DNAJB6: variants seen among roughly 807,000 people sequenced by gnomAD.
DNAJB6 encodes the protein dnaJ homolog subfamily B member 6.
In DNAJB6, 16 loss-of-function variants were observed where a neutral mutation model predicts 42.7. That is an observed-to-expected ratio of 0.37 (90% CI 0.25 to 0.57). The LOEUF is 0.57. DNAJB6 is among the 20% of genes least tolerant of loss of function. The pLI is 0.74. For synonymous variants in DNAJB6, 170 were observed against 163.5 expected, an observed-to-expected ratio of 1.04 and a Z score of -0.30; for missense variants, 347 against 416.8, an observed-to-expected ratio of 0.83 and a Z score of 1.46.
In DNAJB6 at chr7:157,366,446, T is replaced by G. The variant is rs1013007003; in HGVS notation, c.176-56T>G. 4.1e-6 allele frequency: 6 copies of G among 1,478,022 alleles called. No individual in the cohort carries two copies. In the South Asian group the frequency reaches 5.7e-5, roughly 14 times the overall value. The allele number at this position is 1,478,022 out of a possible 1,614,324, so 91.6% of individuals were successfully genotyped here. On this transcript the variant is annotated intron_variant, in intron 3 of 9. Coordinates refer to ENST00000262177, the MANE Select transcript of DNAJB6 (RefSeq NM_058246.4). ...TACAACTGGGGAAATACCTTATCTA[T>G]TGAATTAAGGGTTTAAAAGGAACTT...
chr7:157,354,115 A>G (rs534287455), intron 1 of DNAJB6, among the ~76,000 whole-genome samples: 1 of 152,288 alleles, frequency 6.6e-6, no homozygotes, highest in East Asian at 1.9e-4. Context: ...ATCTGTTGTG[A>G]TAATAATCTA....
rs944323766 is a variant in DNAJB6 at position 157,341,861 on chromosome 7, A to G, written c.-27+4717A>G. Among the ~76,000 whole-genome samples the G allele has an allele frequency of 3.3e-5, 5 of 152,334 alleles. No homozygotes were observed. The East Asian group carries it at 7.7e-4, about 23-fold the overall frequency. On this transcript the variant is annotated intron_variant, in intron 1 of 9. Transcript: ENST00000262177. ...GTTTCAGCAGCACTGGAGACTGAGT[A>G]CTTAACCGAGTGTTGCTTTGTTTAT...
intron 4 of DNAJB6, 124 bp downstream of exon 4, chr7:157,366,685 G>C: frequency 3.6e-6 from 3 of 834,834 alleles, no homozygotes; most frequent in Non-Finnish European, 5.8e-6. Context: ...CGTAGAAAGC[G>C]AACTAAATTG....
At position 157,391,810 on chromosome 7, in the gene DNAJB6, A is replaced by T. The variant is rs117400448; in HGVS notation, c.691+6199A>T. On this transcript the variant is annotated intron_variant, in intron 8 of 9. Transcript: ENST00000262177. ...GGCTTGAGAAACGTGTGCATTGAAA[A>T]TCGGTAAGTTACCAGGCGCAGTGGC... Among the ~76,000 whole-genome samples the T allele has an allele frequency of 3.8e-3, 583 of 152,292 alleles. 3 individuals carry two copies. Among genetic ancestry groups the T allele is most frequent in the Non-Finnish European group, 5.5e-3 (372 of 68,018 alleles).
chr7:157,397,079 G>GGT (rs1404334926), intron 8 of DNAJB6, among the ~76,000 whole-genome samples: 2 of 152,206 alleles, frequency 1.3e-5, no homozygotes, highest in African/African-American at 2.4e-5. Context: ...GTGTGCACGC[G>GGT]GTGTGTGTGC....
chr7:157,388,122 A>G lies in DNAJB6; in HGVS notation c.691+2511A>G, dbSNP rs529479391. Among the ~76,000 whole-genome samples, 20 of 152,366 alleles carry G rather than the reference A, an allele frequency of 1.3e-4. No individual in the cohort carries two copies. In the East Asian group the frequency reaches 2.1e-3, roughly 16 times the overall value. ...TGGCCTCCCAAAGTGCTGGGATTACAGGCGTGAGCCACTGCGCCTGGCTGA... is the reference window on the plus strand; with the variant it reads ...TGGCCTCCCAAAGTGCTGGGATTACGGGCGTGAGCCACTGCGCCTGGCTGA... On this transcript the variant is annotated intron_variant, in intron 8 of 9. Transcript: ENST00000262177.
At chr7:157,364,399 T>C (rs1799749537) in intron 3 of DNAJB6, among the ~76,000 whole-genome samples, 1 of 152,198 alleles carries the variant, frequency 6.6e-6, no homozygotes, top group African/African-American at 2.4e-5. Context: ...GAAGTCTTCT[T>C]GAAATGTGGC....
chr7:157,388,359 T>A (rs545041837), intron 8 of DNAJB6, among the ~76,000 whole-genome samples: 30 of 152,266 alleles, frequency 2.0e-4, no homozygotes, highest in African/African-American at 7.2e-4. Flanking sequence ...ATCACTCAAG[T>A]AAGTGATGGC....
intron 6 of DNAJB6, among the ~76,000 whole-genome samples, chr7:157,383,564 C>T (rs1293548250): frequency 1.3e-5 from 2 of 151,878 alleles, no homozygotes; most frequent in Non-Finnish European, 2.9e-5. Context: ...AAAAATACCA[C>T]GTAAATTGTC....
At chr7:157,356,960 C>T (rs968222078) in intron 1 of DNAJB6, among the ~76,000 whole-genome samples, 5 of 151,592 alleles carry the variant, frequency 3.3e-5, no homozygotes, top group Non-Finnish European at 7.4e-5. Context: ...ATCCTGATTT[C>T]CATTATAGTT....
intron 2 of DNAJB6, among the ~76,000 whole-genome samples, chr7:157,361,834 T>C (rs998945907): frequency 2.0e-5 from 3 of 152,224 alleles, no homozygotes; most frequent in Admixed American, 6.5e-5. Context: ...AGTGGCACGA[T>C]GTTGGCTCAC....
chr7:157,389,177 T>C (rs1487241537), intron 8 of DNAJB6, among the ~76,000 whole-genome samples: 1 of 152,264 alleles, frequency 6.6e-6, no homozygotes, highest in Non-Finnish European at 1.5e-5. Flanking sequence ...AATTTCTGTT[T>C]ATTAATTAGA....
At chr7:157,408,040 C>G (rs1458381573) in intron 8 of DNAJB6, among the ~76,000 whole-genome samples, 1 of 152,142 alleles carries the variant, frequency 6.6e-6, no homozygotes, top group African/African-American at 2.4e-5. Context: ...AGACAGCAGC[C>G]CTGCCACCTG....
intron 8 of DNAJB6, among the ~76,000 whole-genome samples, chr7:157,388,477 C>CT (rs1801185921): frequency 6.6e-6 from 1 of 152,204 alleles, no homozygotes; most frequent in Non-Finnish European, 1.5e-5. Context: ...CTGAACGCTC[C>CT]TTAACGGCAC....
At chr7:157,386,819 C>T (rs1008360144) in intron 8 of DNAJB6, among the ~76,000 whole-genome samples, 1 of 150,450 alleles carries the variant, frequency 6.6e-6, no homozygotes, top group South Asian at 2.1e-4. Context: ...GGGAGGTGGA[C>T]GTTGCAGTGA....
intron 8 of DNAJB6, among the ~76,000 whole-genome samples, chr7:157,399,397 T>C (rs1212617942): frequency 6.6e-6 from 1 of 152,206 alleles, no homozygotes; most frequent in Admixed American, 6.5e-5. Flanking sequence ...TGGCCAGTGG[T>C]GGTCCACGTA....
At chr7:157,367,603 G>A (rs1799907132) in intron 5 of DNAJB6, 120 bp downstream of exon 5, 1 of 683,320 alleles carries the variant, frequency 1.5e-6, no homozygotes, top group Non-Finnish European at 2.7e-6. Context: ...GCTCATGCCT[G>A]TAATCCCAGC....
intron 1 of DNAJB6, among the ~76,000 whole-genome samples, chr7:157,351,472 AC>A (rs1349981799): frequency 6.6e-6 from 1 of 151,920 alleles, no homozygotes; most frequent in African/African-American, 2.4e-5. Flanking sequence ...TACTAAAAAT[AC>A]AAAAAAAAAA....
At position 157,416,021 on chromosome 7, in the gene DNAJB6, AAAG is replaced by A. The variant is rs1796099590; in HGVS notation, c.908_910del (p.Glu303del). On this transcript the variant is annotated inframe_deletion, in exon 10 of 10. Coordinates refer to ENST00000262177, the MANE Select transcript of DNAJB6 (RefSeq NM_058246.4). Reference sequence around the variant, plus strand: ...TACAAGCCGTGTTTCCTTAGGATTGAAAGAAGGTGGCAAGAGGAAGAAGCAGAA... The same window carrying A: ...TACAAGCCGTGTTTCCTTAGGATTGAAAGGTGGCAAGAGGAAGAAGCAGAA... 2 of 1,614,070 alleles carry A rather than the reference AAAG, an allele frequency of 1.2e-6. No individual in the cohort carries two copies. Among genetic ancestry groups the A allele is most frequent in the African/African-American group, 2.7e-5 (2 of 74,924 alleles).
Sources: gnomAD v4.1 joint callset for allele counts (sites outside exome capture counted in the v4.1 genomes callset) on GRCh38, gnomAD v4.1.1 for gene constraint, MANE v1.5 for transcripts, NCBI Gene and HGNC (gene_info 2026-07-23, HGNC 2026-07-21) for gene names.